The following PHACTR2 variants were observed in gnomAD, a reference collection of about 807,000 sequenced individuals.
The protein encoded by PHACTR2 is chromosome 6 open reading frame 56.
A neutral mutation model predicts 76.0 loss-of-function variants in PHACTR2; 30 were observed. The observed-to-expected ratio is 0.39, with a 90% CI of 0.30 to 0.54. The LOEUF is 0.54. PHACTR2 is among the 20% of genes least tolerant of loss of function. The probability of loss-of-function intolerance (pLI) is 0.61; values close to 1 mark genes in which losing one functional copy is unlikely to be tolerated. For synonymous variants in PHACTR2, 292 were observed against 292.5 expected (o/e 1.00, Z 0.02); for missense variants, 696 against 781.1 (o/e 0.89, Z 1.30).
intron 1 of PHACTR2, among the ~76,000 whole-genome samples, chr6:143,588,910 A>G (rs1775658513): frequency 2.0e-5 from 3 of 152,240 alleles, no homozygotes; most frequent in Non-Finnish European, 4.4e-5. Flanking sequence ...AAAAAATTAA[A>G]AAGACCTATA....
Position 143,633,275 on chromosome 6 carries a change from T to C in PHACTR2, c.13+24953T>C, listed in dbSNP as rs558214559. Among the ~76,000 whole-genome samples, 1 of 152,346 alleles carries C rather than the reference T, an allele frequency of 6.6e-6. No homozygotes were observed. The highest frequency in any genetic ancestry group is 2.1e-4 in the South Asian group (1 of 4,830). On this transcript the variant is annotated intron_variant, in intron 1 of 11. Transcript: ENST00000305766. The surrounding 1 kb of genome is among the most constrained non-coding windows in gnomAD (Gnocchi z 4.1). The stretch of plus-strand genomic sequence containing the variant: ...TCCACGTCTCTACCAGGATTTGGTG[T>C]TGTCAATGTTCTGGATTTTGACCAT...
At chr6:143,694,752 T>C (rs570087277) in intron 1 of PHACTR2, among the ~76,000 whole-genome samples, 51 of 152,340 alleles carry the variant, frequency 3.3e-4, no homozygotes, top group African/African-American at 1.2e-3. Flanking sequence ...CAGAGCCCCA[T>C]TGAGACAGGT....
Position 143,733,198 on chromosome 6 carries a change from G to C in PHACTR2, c.215-15787G>C, listed in dbSNP as rs1042507492. On this transcript the variant is annotated intron_variant, in intron 2 of 12. Coordinates refer to ENST00000440869, the MANE Select transcript of PHACTR2 (RefSeq NM_001100164.2). This position sits in a 1 kb window ranked among gnomAD's most constrained non-coding sequence, Gnocchi z 4.0. ...AGATGTGAGCCACCATGCCTAGCCTGATTCCTCCTCTTTTTCTACCTTACT... is the reference window on the plus strand; with the variant it reads ...AGATGTGAGCCACCATGCCTAGCCTCATTCCTCCTCTTTTTCTACCTTACT... Among the ~76,000 whole-genome samples, 4 of 152,112 alleles carry C rather than the reference G, an allele frequency of 2.6e-5. No individual in the cohort carries two copies. Among genetic ancestry groups the C allele is most frequent in the African/African-American group, 9.7e-5 (4 of 41,434 alleles).
At position 143,760,997 on chromosome 6, in the gene PHACTR2, G is replaced by C. The variant is rs779385252; in HGVS notation, c.694+357G>C. Among the ~76,000 whole-genome samples the C allele has an allele frequency of 5.3e-5, 8 of 152,124 alleles. No individual in the cohort carries two copies. Among genetic ancestry groups the C allele is most frequent in the African/African-American group, 7.2e-5 (3 of 41,404 alleles). On this transcript the variant is annotated intron_variant, in intron 5 of 12. Transcript: ENST00000440869. This position sits in a 1 kb window ranked among gnomAD's most constrained non-coding sequence, Gnocchi z 6.4. ...ACCTTCTACCTATATGAGCCTATGG[G>C]TGGCTTTTTGGCTTGGATTTTCTTT...
chr6:143,720,105 C>A (rs1224566785), intron 2 of PHACTR2, among the ~76,000 whole-genome samples: 1 of 152,070 alleles, frequency 6.6e-6, no homozygotes, highest in Non-Finnish European at 1.5e-5. Flanking sequence ...CGCCACTGTG[C>A]CCAGCCAAGT....
At chr6:143,544,866 A>G (rs1011402481) in intron 1 of PHACTR2, among the ~76,000 whole-genome samples, 1 of 152,210 alleles carries the variant, frequency 6.6e-6, no homozygotes, top group African/African-American at 2.4e-5. Flanking sequence ...ACTAGCCTAA[A>G]ACGATTTTTT....
Position 143,602,079 on chromosome 6 carries a change from C to T in PHACTR2, c.217+64872C>T, listed in dbSNP as rs779115412. The stretch of plus-strand genomic sequence containing the variant: ...TTTAGTTATTTTGAAATATAAAATA[C>T]GATTGTTAACTATAGTCACCTCATT... On this transcript the variant is annotated intron_variant, in intron 1 of 11. Transcript: ENST00000367584. The surrounding 1 kb of genome is among the most constrained non-coding windows in gnomAD (Gnocchi z 6.1). Among the ~76,000 whole-genome samples the T allele has an allele frequency of 3.3e-5, 5 of 152,034 alleles. No individual in the cohort carries two copies. Among genetic ancestry groups the T allele is most frequent in the African/African-American group, 4.8e-5 (2 of 41,372 alleles).
upstream of PHACTR2, among the ~76,000 whole-genome samples, chr6:143,676,262 A>G (rs1777242719): frequency 6.6e-6 from 1 of 152,240 alleles, no homozygotes; most frequent in Admixed American, 6.5e-5. This position sits in a 1 kb window ranked among gnomAD's most constrained non-coding sequence, Gnocchi z 4.8. Flanking sequence ...AGCTGTATTA[A>G]GCAATTCCTG....
At chr6:143,676,215 C>G (rs1241388642), upstream of PHACTR2, among the ~76,000 whole-genome samples, 4 of 152,152 alleles carry the variant, frequency 2.6e-5, no homozygotes. The surrounding 1 kb of genome is among the most constrained non-coding windows in gnomAD (Gnocchi z 4.8). Context: ...ATTATATTAA[C>G]TAGCAAATCA....
chr6:143,709,452 T>A lies in PHACTR2; in HGVS notation c.47-2564T>A, dbSNP rs964260664. 3.3e-5 allele frequency among the ~76,000 whole-genome samples: 5 copies of A among 152,206 alleles called. No homozygotes were observed. Among genetic ancestry groups the A allele is most frequent in the African/African-American group, 1.2e-4 (5 of 41,448 alleles). On this transcript the variant is annotated intron_variant, in intron 1 of 12. Coordinates refer to ENST00000440869, the MANE Select transcript of PHACTR2 (RefSeq NM_001100164.2). The surrounding 1 kb of genome is among the most constrained non-coding windows in gnomAD (Gnocchi z 4.4). ...TGTCTGTCTTCATTCAGTTTGAGAT[T>A]TTCCTGGTTCTTAGTGTGTCAAGTG...
At chr6:143,704,363 A>G (rs1393417363) in intron 1 of PHACTR2, among the ~76,000 whole-genome samples, 1 of 152,152 alleles carries the variant, frequency 6.6e-6, no homozygotes, top group Non-Finnish European at 1.5e-5. Context: ...TTGGAGAGAA[A>G]GATGGCCAAG....
At position 143,774,512 on chromosome 6, in the gene PHACTR2, C is replaced by T. The variant is rs1309458864; in HGVS notation, c.1589+297C>T. Among the ~76,000 whole-genome samples the T allele has an allele frequency of 6.6e-6, 1 of 152,218 alleles. No homozygotes were observed. The highest frequency in any genetic ancestry group is 1.5e-5 in the Non-Finnish European group (1 of 68,048). ...GACAGTCTCTGTTGCAGCTACTCAA[C>T]TGCGCTGCTGTAGCATAAAAGCAGC... On this transcript the variant is annotated intron_variant, in intron 8 of 12. Transcript: ENST00000440869. The surrounding 1 kb of genome is among the most constrained non-coding windows in gnomAD (Gnocchi z 5.4).
At position 143,710,416 on chromosome 6, in the gene PHACTR2, C is replaced by T. The variant is rs113360817; in HGVS notation, c.47-1600C>T. ...ATAAGAAAAAGTTAAGTTTGGGCTG[C>T]GTGTGGTGGCTCACGCCTGTAATCC... On this transcript the variant is annotated intron_variant, in intron 1 of 12. Coordinates refer to ENST00000440869, the MANE Select transcript of PHACTR2 (RefSeq NM_001100164.2). The surrounding 1 kb of genome is among the most constrained non-coding windows in gnomAD (Gnocchi z 4.9). Among the ~76,000 whole-genome samples, 3,772 of 152,140 alleles carry T rather than the reference C, an allele frequency of 0.025. 135 individuals carry two copies. The highest frequency in any genetic ancestry group is 0.085 in the African/African-American group (3,533 of 41,498).
chr6:143,632,631 C>T (rs1323412062), intron 1 of PHACTR2, among the ~76,000 whole-genome samples: 1 of 152,204 alleles, frequency 6.6e-6, no homozygotes, highest in African/African-American at 2.4e-5. Flanking sequence ...AGGGTTCACT[C>T]TTGGTGTTGT....
At chr6:143,630,667 C>T (rs1005647774) in intron 1 of PHACTR2, among the ~76,000 whole-genome samples, 2 of 152,114 alleles carry the variant, frequency 1.3e-5, no homozygotes, top group African/African-American at 4.8e-5. Flanking sequence ...AAGTAAATTC[C>T]TTTGTTTAAT....
intron 9 of PHACTR2, among the ~76,000 whole-genome samples, chr6:143,778,860 A>G (rs201295901): frequency 7.2e-5 from 11 of 152,300 alleles, no homozygotes; most frequent in South Asian, 4.1e-4. Flanking sequence ...CCAAACCACA[A>G]TGGAGTTTGG....
chr6:143,668,856 A>G lies in PHACTR2; in HGVS notation c.14-43160A>G, dbSNP rs561863372. Among the ~76,000 whole-genome samples, 17 of 151,870 alleles carry G rather than the reference A, an allele frequency of 1.1e-4. No homozygotes were observed. In the South Asian group the frequency reaches 2.9e-3, roughly 26 times the overall value. On this transcript the variant is annotated intron_variant, in intron 1 of 11. Transcript: ENST00000305766. Reference sequence around the variant, plus strand: ...TCATTTATTTTTTGAAGGGTTTTTCATTTATCTTTCTCCTTCAGTTCTGCT... The same window carrying G: ...TCATTTATTTTTTGAAGGGTTTTTCGTTTATCTTTCTCCTTCAGTTCTGCT...
At position 143,772,769 on chromosome 6, in the gene PHACTR2, C is replaced by G. The variant is rs187106085; in HGVS notation, c.1432+312C>G. Reference sequence around the variant, plus strand: ...ATAACAGAGACCTTTCTCACTATGACCAAAGAGAGCCCTTCCACTCTGGGC... The same window carrying G: ...ATAACAGAGACCTTTCTCACTATGAGCAAAGAGAGCCCTTCCACTCTGGGC... On this transcript the variant is annotated intron_variant, in intron 7 of 12. Transcript: ENST00000440869. The surrounding 1 kb of genome is among the most constrained non-coding windows in gnomAD (Gnocchi z 5.4). Among the ~76,000 whole-genome samples, 1 of 152,266 alleles carries G rather than the reference C, an allele frequency of 6.6e-6. No individual in the cohort carries two copies. Among genetic ancestry groups the G allele is most frequent in the Admixed American group, 6.5e-5 (1 of 15,280 alleles).
In PHACTR2 at chr6:143,679,550, A is replaced by G. The variant is rs926258150; in HGVS notation, c.46+1341A>G. ...CATTTCAAGGAAGGGTTATATTTTT[A>G]CATTTGTGCACCGGCGAAGATAGAA... On this transcript the variant is annotated intron_variant, in intron 1 of 12. Coordinates refer to ENST00000440869, the MANE Select transcript of PHACTR2 (RefSeq NM_001100164.2). This position sits in a 1 kb window ranked among gnomAD's most constrained non-coding sequence, Gnocchi z 4.6. 1.3e-5 allele frequency among the ~76,000 whole-genome samples: 2 copies of G among 152,164 alleles called. No homozygotes were observed. Among genetic ancestry groups the G allele is most frequent in the Non-Finnish European group, 2.9e-5 (2 of 68,026 alleles).
Sources: gnomAD v4.1 joint callset for allele counts (sites outside exome capture counted in the v4.1 genomes callset) on GRCh38, gnomAD v4.1.1 for gene constraint, Gnocchi (gnomAD v3.1) non-coding constraint, MANE v1.5 for transcripts, NCBI Gene and HGNC (gene_info 2026-07-23, HGNC 2026-07-21) for gene names.